The following BMPR2 variants were observed in gnomAD, a reference collection of about 807,000 sequenced individuals.
The protein encoded by BMPR2 is bone morphogenetic protein receptor type 2.
Under a neutral mutation model 100.8 loss-of-function variants are expected in BMPR2, and 29 were observed. The observed-to-expected ratio is 0.29, with a 90% CI of 0.21 to 0.39. The LOEUF (loss-of-function observed/expected upper bound fraction) is 0.39, where lower values mean the gene tolerates loss of function less well. BMPR2 is among the 10% of genes least tolerant of loss of function. BMPR2 has a pLI of 1.00. For synonymous variants in BMPR2, 382 were observed against 442.3 expected (o/e 0.86, Z 1.71); for missense variants, 1,011 against 1,274.5 (o/e 0.79, Z 3.15).
intron 3 of BMPR2, among the ~76,000 whole-genome samples, chr2:202,471,505 GAGA>G (rs1318185845): frequency 6.6e-6 from 1 of 152,192 alleles, no homozygotes; most frequent in African/African-American, 2.4e-5. Flanking sequence ...ATGATACCTA[GAGA>G]AGGACACATA....
At chr2:202,417,333 T>C (rs1182867411) in intron 1 of BMPR2, among the ~76,000 whole-genome samples, 1 of 149,026 alleles carries the variant, frequency 6.7e-6, no homozygotes, top group African/African-American at 2.5e-5. Flanking sequence ...AGTTTCACTT[T>C]TTTTGCCCAG....
intron 3 of BMPR2, among the ~76,000 whole-genome samples, chr2:202,479,034 CT>C (rs1412104362): frequency 6.6e-6 from 1 of 152,154 alleles, no homozygotes; most frequent in Non-Finnish European, 1.5e-5. Context: ...TATTCTCACC[CT>C]TGTGTAATCC....
At chr2:202,416,566 C>T (rs1424582101) in intron 1 of BMPR2, among the ~76,000 whole-genome samples, 1 of 151,676 alleles carries the variant, frequency 6.6e-6, no homozygotes, top group African/African-American at 2.4e-5. Context: ...GCTGGGACTA[C>T]AGGCACGTGC....
At chr2:202,454,477 C>G (rs1047954498) in intron 1 of BMPR2, among the ~76,000 whole-genome samples, 3 of 152,058 alleles carry the variant, frequency 2.0e-5, no homozygotes, top group Non-Finnish European at 2.9e-5. Flanking sequence ...GGGGATAAAG[C>G]CAAGAGGCCT....
chr2:202,378,022 G>C (rs2105892673), intron 1 of BMPR2, among the ~76,000 whole-genome samples: 1 of 152,288 alleles, frequency 6.6e-6, no homozygotes, highest in African/African-American at 2.4e-5. Context: ...ATCACTCTGG[G>C]AATCCATGTT....
At chr2:202,514,662 C>G (rs182301701) in intron 4 of BMPR2, among the ~76,000 whole-genome samples, 2 of 152,172 alleles carry the variant, frequency 1.3e-5, no homozygotes, top group South Asian at 2.1e-4. Context: ...AGTAAGTCAT[C>G]ATGGGAGTGT....
At position 202,503,525 on chromosome 2, in the gene BMPR2, C is replaced by T. The variant is rs923146089; in HGVS notation, c.419-10194C>T. Among the ~76,000 whole-genome samples the T allele has an allele frequency of 1.3e-5, 2 of 152,250 alleles. No individual in the cohort carries two copies. The highest frequency in any genetic ancestry group is 1.9e-4 in the East Asian group (1 of 5,196). On this transcript the variant is annotated intron_variant, in intron 3 of 12. Coordinates refer to ENST00000374580, the MANE Select transcript of BMPR2 (RefSeq NM_001204.7). The surrounding 1 kb of genome is among the most constrained non-coding windows in gnomAD (Gnocchi z 4.0). ...GGCTTAGCACCCAGGCCAGCAGCTGCGGAGGGTGTACTGGGTCCCCCAGCA... is the reference window on the plus strand; with the variant it reads ...GGCTTAGCACCCAGGCCAGCAGCTGTGGAGGGTGTACTGGGTCCCCCAGCA...
intron 1 of BMPR2, among the ~76,000 whole-genome samples, chr2:202,383,537 G>A (rs994327991): frequency 2.8e-4 from 43 of 151,952 alleles, no homozygotes; most frequent in African/African-American, 8.9e-4. Flanking sequence ...AAAATTAGCC[G>A]GGTGTGGTGG....
At chr2:202,451,654 G>A (rs1261797162) in intron 1 of BMPR2, among the ~76,000 whole-genome samples, 5 of 152,144 alleles carry the variant, frequency 3.3e-5, no homozygotes, top group South Asian at 2.1e-4. Context: ...AGCCGAGATC[G>A]TGCCATTGCA....
chr2:202,491,304 G>A (rs931816520), intron 3 of BMPR2, among the ~76,000 whole-genome samples: 1 of 152,088 alleles, frequency 6.6e-6, no homozygotes, highest in Non-Finnish European at 1.5e-5. Flanking sequence ...TGATCCTCCC[G>A]CCTTGGGCTC....
intron 10 of BMPR2, among the ~76,000 whole-genome samples, chr2:202,550,163 A>C (rs1371447631): frequency 6.6e-6 from 1 of 151,496 alleles, no homozygotes; most frequent in Admixed American, 6.6e-5. Context: ...AGGTCAGGAG[A>C]TCAAGACCAT....
At chr2:202,531,029 GTGGT>G in intron 8 of BMPR2, 75 bp downstream of exon 8, 17 of 1,568,092 alleles carry the variant, frequency 1.1e-5, no homozygotes, top group Non-Finnish European at 1.4e-5. Flanking sequence ...CTGGCCAGGT[GTGGT>G]GGCTCACGCC....
intron 3 of BMPR2, among the ~76,000 whole-genome samples, chr2:202,509,144 C>G (rs1687580245): frequency 6.6e-6 from 1 of 152,048 alleles, no homozygotes; most frequent in Non-Finnish European, 1.5e-5. Flanking sequence ...AGAAGTAAAG[C>G]ATAACATTCT....
In BMPR2 at chr2:202,562,525, T is replaced by G. The variant is rs1018929915; in HGVS notation, c.*2579T>G. On this transcript the variant is annotated 3_prime_UTR_variant, in exon 13 of 13. Coordinates refer to ENST00000374580, the MANE Select transcript of BMPR2 (RefSeq NM_001204.7). ...GCAAAATTATTTTAAATGACTTAAT[T>G]GTATGCTAATACTCATCTGATAATA... 5 of 152,608 alleles carry G rather than the reference T, an allele frequency of 3.3e-5. No homozygotes were observed. The highest frequency in any genetic ancestry group is 6.5e-5 in the Admixed American group (1 of 15,282). The allele number at this position is 152,608 out of a possible 1,614,324, so 9.5% of individuals were successfully genotyped here.
intron 3 of BMPR2, among the ~76,000 whole-genome samples, chr2:202,472,713 C>T (rs1692460424): frequency 6.6e-6 from 1 of 152,332 alleles, no homozygotes; most frequent in African/African-American, 2.4e-5. Flanking sequence ...AAGATCTTTA[C>T]AGCTGCCTTA....
rs1317654851 is a variant in BMPR2 at position 202,442,581 on chromosome 2, C to G, written c.77-22228C>G. Among the ~76,000 whole-genome samples, 2 of 150,460 alleles carry G rather than the reference C, an allele frequency of 1.3e-5. 1 individual carries two copies. Among genetic ancestry groups the G allele is most frequent in the African/African-American group, 5.0e-5 (2 of 39,804 alleles). On this transcript the variant is annotated intron_variant, in intron 1 of 12. Coordinates refer to ENST00000374580, the MANE Select transcript of BMPR2 (RefSeq NM_001204.7). ...CTGCATGGCTGAAAGTCTACATCCACCAAACACAACTTCCTACTTCACCCT... is the reference window on the plus strand; with the variant it reads ...CTGCATGGCTGAAAGTCTACATCCAGCAAACACAACTTCCTACTTCACCCT...
chr2:202,553,731 C>G lies in BMPR2; in HGVS notation c.1586+843C>G, dbSNP rs146329392. On this transcript the variant is annotated intron_variant, in intron 11 of 12. Transcript: ENST00000374580. ...GGAAACTGTGTCTTACTCTGTCCCC[C>G]AGGCTGGAGTGCAGTGGCGTGATCC... is the stretch of plus-strand genomic sequence containing the variant. 6.3e-3 allele frequency among the ~76,000 whole-genome samples: 953 copies of G among 152,132 alleles called. 13 individuals carry two copies. Among genetic ancestry groups the G allele is most frequent in the African/African-American group, 0.021 (889 of 41,494 alleles).
At chr2:202,524,975 C>T (rs1427085603) in intron 7 of BMPR2, among the ~76,000 whole-genome samples, 1 of 151,962 alleles carries the variant, frequency 6.6e-6, no homozygotes, top group Non-Finnish European at 1.5e-5. Flanking sequence ...GAAACTCCAT[C>T]TCAGAAAAGT....
chr2:202,555,294 T>C lies in BMPR2; in HGVS notation c.1629T>C (p.Tyr543=), dbSNP rs759990771. The part of the protein sequence containing the change: ...HNRRVPKIGP[Y]PDYSSSSYIE... ...GGCGTGTGCCAAAAATTGGTCCTTA[T>C]CCAGATTATTCTTCCTCCTCATACA... The change falls in exon 12 of 13, where the codon TAT becomes TAC. Residue 543 remains tyrosine, a synonymous_variant. Coordinates refer to ENST00000374580, the MANE Select transcript of BMPR2 (RefSeq NM_001204.7). 5.6e-6 allele frequency: 9 copies of C among 1,614,212 alleles called. No individual in the cohort carries two copies. Among genetic ancestry groups the C allele is most frequent in the South Asian group, 3.3e-5 (3 of 91,082 alleles).
Sources: allele counts gnomAD v4.1 joint callset (sites outside exome capture counted in the v4.1 genomes callset), GRCh38; gene constraint gnomAD v4.1.1; non-coding constraint Gnocchi (gnomAD v3.1); transcripts MANE v1.5; gene names NCBI Gene and HGNC (gene_info 2026-07-23, HGNC 2026-07-21).